AKR1C8: variants seen among roughly 807,000 people sequenced by gnomAD.
The protein encoded by AKR1C8 is aldo-keto reductase family 1 member C-like protein 1.
the AKR1C8 span, chr10:5,160,781 A>G: frequency 4.3e-6 from 2 of 469,814 alleles, no homozygotes; most frequent in Non-Finnish European, 8.8e-6. Flanking sequence ...CTCACTACAC[A>G]GTGCTGCCTG....
At chr10:5,144,828 T>C in the AKR1C8 span, among the ~76,000 whole-genome samples, 1 of 152,210 alleles carries the variant, frequency 6.6e-6, no homozygotes, top group African/African-American at 2.4e-5. Context: ...AGGGACAATT[T>C]GACTTCCTCT....
At chr10:5,165,652 A>G in the AKR1C8 span, among the ~76,000 whole-genome samples, 1 of 152,114 alleles carries the variant, frequency 6.6e-6, no homozygotes, top group African/African-American at 2.4e-5. Context: ...ATCCACTTAC[A>G]CTGACATTTA....
the AKR1C8 span, among the ~76,000 whole-genome samples, chr10:5,177,815 C>T: frequency 1.3e-4 from 20 of 152,210 alleles, no homozygotes; most frequent in South Asian, 2.1e-3. Context: ...TCTGTGGGAT[C>T]GGTGGTGATA....
At chr10:5,157,178 A>G in the AKR1C8 span, among the ~76,000 whole-genome samples, 5 of 143,754 alleles carry the variant, frequency 3.5e-5, no homozygotes, top group East Asian at 1.9e-4. Context: ...TAAAATTAAT[A>G]AACAAAAAAC....
chr10:5,140,165 G>A, the AKR1C8 span, among the ~76,000 whole-genome samples: 1 of 152,314 alleles, frequency 6.6e-6, no homozygotes, highest in Admixed American at 6.5e-5. Context: ...TGGAGAGGAT[G>A]TGGAGAAATA....
At chr10:5,171,336 G>A in the AKR1C8 span, among the ~76,000 whole-genome samples, 1 of 151,970 alleles carries the variant, frequency 6.6e-6, no homozygotes, top group Non-Finnish European at 1.5e-5. Context: ...TGTTACCCCT[G>A]TGGCACACAA....
At chr10:5,165,127 C>T in the AKR1C8 span, among the ~76,000 whole-genome samples, 151 of 152,252 alleles carry the variant, frequency 9.9e-4, 1 homozygote, top group African/African-American at 3.4e-3. Context: ...TACTGATAGA[C>T]ATTCATGACA....
chr10:5,131,937 G>C, the AKR1C8 span, among the ~76,000 whole-genome samples: 59,214 of 151,638 alleles, frequency 0.39, 12,303 homozygotes, highest in Non-Finnish European at 0.43. Context: ...ACCAACCTAA[G>C]AGTCCGTTGA....
the AKR1C8 span, among the ~76,000 whole-genome samples, chr10:5,129,331 G>C: frequency 1.3e-5 from 2 of 151,978 alleles, no homozygotes; most frequent in East Asian, 3.9e-4. Context: ...GTCTGAAACA[G>C]CACAAATTGA....
the AKR1C8 span, chr10:5,162,780 C>A: frequency 2.4e-6 from 1 of 413,066 alleles, no homozygotes; most frequent in Non-Finnish European, 5.1e-6. Flanking sequence ...TCAACTTAGA[C>A]CATGTTTTCA....
the AKR1C8 span, chr10:5,132,582 G>T: frequency 6.6e-7 from 1 of 1,517,784 alleles, no homozygotes; most frequent in Non-Finnish European, 8.9e-7. Context: ...GTGCATGCAT[G>T]CTTATCATAG....
chr10:5,133,572 C>G, the AKR1C8 span, among the ~76,000 whole-genome samples: 1 of 152,254 alleles, frequency 6.6e-6, no homozygotes, highest in Admixed American at 6.5e-5. Context: ...ACAAGGGATG[C>G]TATTTGGACA....
the AKR1C8 span, among the ~76,000 whole-genome samples, chr10:5,178,973 T>C: frequency 2.0e-5 from 3 of 152,214 alleles, no homozygotes; most frequent in Non-Finnish European, 4.4e-5. Context: ...ATTTAGTCCA[T>C]TTACATTTAA....
At chr10:5,179,187 T>C in the AKR1C8 span, among the ~76,000 whole-genome samples, 1 of 152,106 alleles carries the variant, frequency 6.6e-6, no homozygotes, top group Admixed American at 6.6e-5. Flanking sequence ...GTGACAAAAA[T>C]CTCTCAGCAT....
the AKR1C8 span, among the ~76,000 whole-genome samples, chr10:5,147,346 G>T: frequency 3.5e-3 from 530 of 152,106 alleles, 7 homozygotes; most frequent in Non-Finnish European, 5.4e-3. Flanking sequence ...GTCAAATATC[G>T]CAATTACAGC....
the AKR1C8 span, among the ~76,000 whole-genome samples, chr10:5,171,453 A>G: frequency 5.9e-5 from 9 of 152,058 alleles, no homozygotes; most frequent in African/African-American, 2.2e-4. Context: ...ATGTATTCAT[A>G]TAAATATAGC....
At chr10:5,163,762 A>G in the AKR1C8 span, among the ~76,000 whole-genome samples, 1 of 152,230 alleles carries the variant, frequency 6.6e-6, no homozygotes, top group African/African-American at 2.4e-5. Flanking sequence ...AAGGCCCAAC[A>G]TAAAAACACA....
chr10:5,146,628 T>C, the AKR1C8 span, among the ~76,000 whole-genome samples: 2 of 152,180 alleles, frequency 1.3e-5, no homozygotes, highest in South Asian at 4.1e-4. Flanking sequence ...TGACTCTATA[T>C]ATGATACTTT....
the AKR1C8 span, chr10:5,161,754 T>A: frequency 1.9e-6 from 1 of 534,712 alleles, no homozygotes; most frequent in Non-Finnish European, 3.8e-6. Flanking sequence ...AATCTGCCTC[T>A]CTCAGGAAGA....
Sources: gnomAD v4.1 joint callset for allele counts (sites outside exome capture counted in the v4.1 genomes callset) on GRCh38, gnomAD v4.1.1 for gene constraint, MANE v1.5 for transcripts, NCBI Gene and HGNC (gene_info 2026-07-23, HGNC 2026-07-21) for gene names.